The following TTLL6 variants were observed in gnomAD, a reference collection of about 807,000 sequenced individuals.
TTLL6 encodes tubulin tyrosine ligase like 6.
Under a neutral mutation model 96.4 loss-of-function variants are expected in TTLL6, and 75 were observed. The observed-to-expected ratio is 0.78, with a 90% CI of 0.65 to 0.94. TTLL6 has a LOEUF of 0.94. Ranked by LOEUF, TTLL6 falls within the 40% of genes least tolerant of loss-of-function variation. The pLI is 0.00. For missense variants in TTLL6, 1,030 were observed against 1,093.0 expected (o/e 0.94, Z 0.81); for synonymous variants, 411 against 419.4 (o/e 0.98, Z 0.24).
At chr17:48,803,022 T>C (rs2039450411) in intron 3 of TTLL6, among the ~76,000 whole-genome samples, 1 of 151,606 alleles carries the variant, frequency 6.6e-6, no homozygotes, top group African/African-American at 2.4e-5. Context: ...ACTACAAAAT[T>C]AGCTGGGCGA....
intron 10 of TTLL6, 77 bp from the exon 11 acceptor site, chr17:48,788,076 G>C: frequency 1.4e-6 from 2 of 1,407,070 alleles, no homozygotes; most frequent in South Asian, 1.3e-5. Flanking sequence ...CCAAGCTGGA[G>C]GTCGTCTAGG....
chr17:48,789,116 TAAA>T (rs5820726), intron 10 of TTLL6, among the ~76,000 whole-genome samples: 27 of 145,440 alleles, frequency 1.9e-4, no homozygotes, highest in Admixed American at 2.1e-4. Context: ...TTCTTTATAG[TAAA>T]AAAAAAAAAA....
chr17:48,778,047 C>T (rs1468975943), intron 13 of TTLL6, among the ~76,000 whole-genome samples: 3 of 152,102 alleles, frequency 2.0e-5, no homozygotes, highest in South Asian at 2.1e-4. Context: ...TAGGCCCAGG[C>T]GGGCAGGTCA....
intron 6 of TTLL6, 72 bp downstream of exon 6, chr17:48,799,532 A>C (rs1367348753): frequency 6.9e-7 from 1 of 1,450,212 alleles, no homozygotes; most frequent in Non-Finnish European, 9.3e-7. Context: ...CCCTCATTTC[A>C]CATTCTGTCC....
chr17:48,780,844 A>G (rs1416996501), intron 13 of TTLL6, among the ~76,000 whole-genome samples: 2 of 152,160 alleles, frequency 1.3e-5, no homozygotes, highest in East Asian at 1.9e-4. Flanking sequence ...AAGGCTGAAT[A>G]ATATTTCATT....
At chr17:48,788,526 G>A (rs1387005312) in intron 10 of TTLL6, among the ~76,000 whole-genome samples, 1 of 152,190 alleles carries the variant, frequency 6.6e-6, no homozygotes, top group Non-Finnish European at 1.5e-5. Context: ...AATATCCAGG[G>A]CCAAATAATG....
chr17:48,797,233 G>A (rs1471499241), intron 6 of TTLL6, 29 bp from the exon 7 acceptor site: 20 of 1,527,446 alleles, frequency 1.3e-5, no homozygotes, highest in Middle Eastern at 1.8e-4. Context: ...AGTCAGACAT[G>A]CATTAGAGGA....
intron 9 of TTLL6, 48 bp from the exon 10 acceptor site, chr17:48,790,154 A>C (rs2143363251): frequency 6.3e-7 from 1 of 1,599,650 alleles, no homozygotes; most frequent in Non-Finnish European, 8.5e-7. Context: ...CCAGAATGAA[A>C]GCAGAGAGTG....
intron 8 of TTLL6, among the ~76,000 whole-genome samples, chr17:48,792,980 C>G (rs931203484): frequency 6.6e-6 from 1 of 152,108 alleles, no homozygotes; most frequent in African/African-American, 2.4e-5. Context: ...TTCATAATGC[C>G]CAGTGGTAAG....
chr17:48,796,243 T>C, intron 7 of TTLL6, 97 bp from the exon 8 acceptor site: 1 of 970,762 alleles, frequency 1.0e-6, no homozygotes, highest in Non-Finnish European at 1.5e-6. Context: ...CTTGAAGGGA[T>C]GGAAAGAAAG....
intron 10 of TTLL6, among the ~76,000 whole-genome samples, chr17:48,789,641 G>C (rs1409407850): frequency 1.3e-5 from 2 of 150,316 alleles, no homozygotes; most frequent in African/African-American, 4.9e-5. Flanking sequence ...TGCAACCTCT[G>C]TCTCCCAAGT....
chr17:48,799,449 G>T (rs991522751), intron 6 of TTLL6, among the ~76,000 whole-genome samples, 155 bp downstream of exon 6: 1 of 152,190 alleles, frequency 6.6e-6, no homozygotes, highest in Admixed American at 6.5e-5. Context: ...TCAGCACCCC[G>T]GTCAGAACGT....
chr17:48,795,162 C>G (rs2039295457), intron 8 of TTLL6, among the ~76,000 whole-genome samples: 1 of 151,980 alleles, frequency 6.6e-6, no homozygotes, highest in Non-Finnish European at 1.5e-5. Context: ...CCTGTCTCTA[C>G]TAAAAATACA....
chr17:48,810,817 ATG>A (rs141240622), intron 1 of TTLL6, among the ~76,000 whole-genome samples: 1,738 of 38,302 alleles, frequency 0.045, 86 homozygotes, highest in Admixed American at 0.097. Context: ...CATATATAGT[ATG>A]TGTGTGTATA....
chr17:48,776,447 G>T (rs1057248052), intron 13 of TTLL6, among the ~76,000 whole-genome samples: 1 of 152,144 alleles, frequency 6.6e-6, no homozygotes, highest in South Asian at 2.1e-4. Context: ...GTGACAGAGC[G>T]AGACTCTGTC....
At chr17:48,802,668 C>T (rs868857806) in intron 3 of TTLL6, among the ~76,000 whole-genome samples, 6 of 152,192 alleles carry the variant, frequency 3.9e-5, no homozygotes, top group Middle Eastern at 3.4e-3. Flanking sequence ...GTCAGGAGTT[C>T]GAGACCAGCC....
At position 48,769,216 on chromosome 17, in the gene TTLL6, C is replaced by T. The variant is rs780463056; in HGVS notation, c.2449G>A (p.Asp817Asn). The change falls in exon 15 of 16, where the codon GAC (aspartate) becomes AAC (asparagine). Residue 817 changes from aspartate (D) to asparagine (N), a missense_variant. Transcript: ENST00000393382. ...AGCTGCCTCTTCTCGCCAGAGCTGT[C>T]ACTGCGGGAGTGGCACTCCCCAGGC... ...SLPGECHSRS[D>N]SSGEKRQLDV... 6.2e-7 allele frequency: 1 copy of T among 1,612,490 alleles called. No homozygotes were observed. The highest frequency in any genetic ancestry group is 8.5e-7 in the Non-Finnish European group (1 of 1,178,832).
intron 15 of TTLL6, 43 bp downstream of exon 15, chr17:48,768,946 T>C: frequency 6.3e-7 from 1 of 1,594,542 alleles, no homozygotes; most frequent in South Asian, 1.1e-5. Context: ...ACAGAGCACC[T>C]GCCAACGCAC....
At chr17:48,780,520 A>T (rs1248875488) in intron 13 of TTLL6, among the ~76,000 whole-genome samples, 1 of 152,208 alleles carries the variant, frequency 6.6e-6, no homozygotes, top group Non-Finnish European at 1.5e-5. Context: ...AATAACATAA[A>T]ATCTACCATC....
Sources: gnomAD v4.1 joint callset for allele counts (sites outside exome capture counted in the v4.1 genomes callset) on GRCh38, gnomAD v4.1.1 for gene constraint, MANE v1.5 for transcripts, NCBI Gene and HGNC (gene_info 2026-07-23, HGNC 2026-07-21) for gene names.